The following FUT8 variants were observed in gnomAD, a reference collection of about 807,000 sequenced individuals.
FUT8 encodes alpha-(1,6)-fucosyltransferase.
FUT8 carries 29 observed loss-of-function variants against 71.3 expected under a neutral mutation model. The ratio of observed to expected loss-of-function variants is 0.41; its 90% CI spans 0.30 to 0.55. The LOEUF (loss-of-function observed/expected upper bound fraction) is 0.55. Among genes scored for constraint, FUT8 ranks in the 20% least tolerant of loss-of-function variants. The pLI is 0.34. For synonymous variants in FUT8, 254 were observed against 239.3 expected, an observed-to-expected ratio of 1.06 and a Z score of -0.57; for missense variants, 544 against 702.1, an observed-to-expected ratio of 0.77 and a Z score of 2.55.
At chr14:65,554,317 C>G (rs1885458810) in intron 2 of FUT8, among the ~76,000 whole-genome samples, 1 of 150,700 alleles carries the variant, frequency 6.6e-6, no homozygotes, top group African/African-American at 2.4e-5. Flanking sequence ...TACAATTATT[C>G]TCTTTTCTGT....
At chr14:65,653,412 A>T (rs976329163) in intron 6 of FUT8, among the ~76,000 whole-genome samples, 113 of 152,302 alleles carry the variant, frequency 7.4e-4, no homozygotes, top group African/African-American at 2.6e-3. Flanking sequence ...TGATACCTTT[A>T]TAAAGATATG....
intron 8 of FUT8, among the ~76,000 whole-genome samples, chr14:65,723,252 G>A (rs1170468719): frequency 6.6e-6 from 1 of 151,912 alleles, no homozygotes; most frequent in African/African-American, 2.4e-5. Context: ...TTGAGCCTGG[G>A]AGGCAGAGAT....
intron 7 of FUT8, among the ~76,000 whole-genome samples, chr14:65,695,331 A>G (rs1335388226): frequency 6.6e-6 from 1 of 152,174 alleles, no homozygotes; most frequent in Non-Finnish European, 1.5e-5. Context: ...ATGTATTTTG[A>G]CAGTCAGTTG....
At chr14:65,461,589 A>C (rs928965460) in intron 2 of FUT8, among the ~76,000 whole-genome samples, 9 of 152,200 alleles carry the variant, frequency 5.9e-5, no homozygotes, top group Non-Finnish European at 1.0e-4. Flanking sequence ...TAGTAGAAAG[A>C]AAACCAGTCT....
chr14:65,419,501 T>G (rs966228774), intron 1 of FUT8, among the ~76,000 whole-genome samples: 1 of 152,186 alleles, frequency 6.6e-6, no homozygotes, highest in Admixed American at 6.5e-5. Flanking sequence ...TTTGACTTAC[T>G]CAATTTCTCC....
At chr14:65,507,415 GT>G (rs890774455) in intron 2 of FUT8, among the ~76,000 whole-genome samples, 12 of 152,128 alleles carry the variant, frequency 7.9e-5, no homozygotes, top group African/African-American at 2.9e-4. Flanking sequence ...CATTCATCCT[GT>G]TTTTTTGTAC....
intron 7 of FUT8, among the ~76,000 whole-genome samples, chr14:65,690,629 A>ATC (rs58811272): frequency 0.15 from 21,124 of 144,774 alleles, 1,746 homozygotes; most frequent in East Asian, 0.39. Flanking sequence ...TCATCCCTTT[A>ATC]TCTCTCTCTC....
At chr14:65,586,942 A>G (rs537513577) in intron 3 of FUT8, among the ~76,000 whole-genome samples, 2 of 152,314 alleles carry the variant, frequency 1.3e-5, no homozygotes, top group East Asian at 3.9e-4. Context: ...TAATCCCAGC[A>G]CTTTGGGAGG....
At chr14:65,631,065 A>G (rs1179032151) in intron 6 of FUT8, among the ~76,000 whole-genome samples, 1 of 152,234 alleles carries the variant, frequency 6.6e-6, no homozygotes, top group Non-Finnish European at 1.5e-5. Flanking sequence ...TTGGCATGCT[A>G]TCTTGGTCTC....
intron 1 of FUT8, among the ~76,000 whole-genome samples, chr14:65,414,057 T>G (rs2065183197): frequency 6.6e-6 from 1 of 152,188 alleles, no homozygotes. Flanking sequence ...AGGTGGTGTT[T>G]TTTTCCTTCC....
intron 2 of FUT8, among the ~76,000 whole-genome samples, chr14:65,502,267 C>T (rs1315447994): frequency 6.6e-6 from 1 of 151,286 alleles, no homozygotes; most frequent in African/African-American, 2.4e-5. Flanking sequence ...CTCTGTCACT[C>T]AGGCTGGGGT....
At chr14:65,387,070 G>T in the FUT8 span, among the ~76,000 whole-genome samples, 1 of 152,078 alleles carries the variant, frequency 6.6e-6, no homozygotes, top group Non-Finnish European at 1.5e-5. Context: ...TTGAACTTCT[G>T]ACCTAAGGTG....
chr14:65,556,989 T>C (rs1183854786), intron 2 of FUT8, among the ~76,000 whole-genome samples: 1 of 152,218 alleles, frequency 6.6e-6, no homozygotes, highest in African/African-American at 2.4e-5. Context: ...GCACCCATAC[T>C]TTTAATTTCT....
At position 65,743,510 on chromosome 14, in the gene FUT8, T is replaced by C. The variant is rs1351274777; in HGVS notation, c.*1100T>C. The C allele has an allele frequency of 1.3e-5, 2 of 151,928 alleles. No homozygotes were observed. Among genetic ancestry groups the C allele is most frequent in the Non-Finnish European group, 2.9e-5 (2 of 67,902 alleles). 9.4% of individuals were successfully genotyped at this position (151,928 alleles called of 1,614,324 possible). A position where few individuals can be genotyped will look rare whatever the true frequency, so the allele number is the denominator to read the frequency against. On this transcript the variant is annotated 3_prime_UTR_variant, in exon 11 of 11. Coordinates refer to ENST00000673929, the MANE Select transcript of FUT8 (RefSeq NM_001371533.1). ...GTAGTCTTTCTTAATGTATTTATTA[T>C]CGCTTTTTGTGAGTAGGGTCCTGTT... is the stretch of plus-strand genomic sequence containing the variant.
chr14:65,704,841 TC>T (rs1414543465), intron 7 of FUT8, among the ~76,000 whole-genome samples: 1 of 152,210 alleles, frequency 6.6e-6, no homozygotes, highest in African/African-American at 2.4e-5. Context: ...ACTGCATAAC[TC>T]ACTAAGATAT....
chr14:65,421,735 A>ACCCT (rs377291691), intron 1 of FUT8, among the ~76,000 whole-genome samples: 1 of 34,354 alleles, frequency 2.9e-5, no homozygotes, highest in African/African-American at 8.5e-5. Flanking sequence ...AAACCCTTTA[A>ACCCT]CCCACCCCCC....
the FUT8 span, among the ~76,000 whole-genome samples, chr14:65,366,153 AAGAC>A: frequency 6.6e-6 from 1 of 152,348 alleles, no homozygotes; most frequent in South Asian, 2.1e-4. Context: ...GAGACAGCAC[AAGAC>A]AGACAAAGTT....
At chr14:65,533,509 T>C (rs1304443922) in intron 2 of FUT8, among the ~76,000 whole-genome samples, 1 of 152,180 alleles carries the variant, frequency 6.6e-6, no homozygotes, top group Non-Finnish European at 1.5e-5. Flanking sequence ...TAATTTGTAT[T>C]GTGAAACTTT....
chr14:65,473,786 G>A (rs963931849), intron 2 of FUT8, among the ~76,000 whole-genome samples: 6 of 152,082 alleles, frequency 3.9e-5, no homozygotes, highest in African/African-American at 1.4e-4. Flanking sequence ...ACTGAATTGG[G>A]TCCAGCAATT....
Sources: gnomAD v4.1 joint callset for allele counts (sites outside exome capture counted in the v4.1 genomes callset) on GRCh38, gnomAD v4.1.1 for gene constraint, MANE v1.5 for transcripts, NCBI Gene and HGNC (gene_info 2026-07-23, HGNC 2026-07-21) for gene names.